MCCC1: variants seen among roughly 807,000 people sequenced by gnomAD.
MCCC1 encodes methylcrotonoyl-CoA carboxylase subunit alpha, mitochondrial.
In MCCC1, 64 loss-of-function variants were observed where a neutral mutation model predicts 83.8. That is an observed-to-expected ratio of 0.76 (90% CI 0.62 to 0.94). MCCC1 has a LOEUF of 0.94. MCCC1 is among the 40% of genes least tolerant of loss of function. MCCC1 has a pLI of 0.00. For synonymous variants in MCCC1, 322 were observed against 315.4 expected (o/e 1.02, Z -0.22); for missense variants, 807 against 904.7 (o/e 0.89, Z 1.39).
At chr3:183,107,534 TTTGTTGTTGTTG>T (rs530964558) in intron 1 of MCCC1, among the ~76,000 whole-genome samples, 14 of 151,208 alleles carry the variant, frequency 9.3e-5, no homozygotes, top group African/African-American at 2.2e-4. Flanking sequence ...ATTATTATTA[TTTGTTGTTGTTG>T]TTGTTGTTGT....
intron 1 of MCCC1, among the ~76,000 whole-genome samples, chr3:183,105,799 G>A (rs990519595): frequency 1.3e-5 from 2 of 152,108 alleles, no homozygotes; most frequent in African/African-American, 4.8e-5. Context: ...ACAAAAGACT[G>A]CCAAAATTGG....
chr3:183,022,546 A>C lies in MCCC1; in HGVS notation c.1740T>G (p.Asp580Glu). ...GATTACCAAGGACTTGGAAAGTTTT[A>C]TCTTCAATCTGAAAAAAATGAAAAA... ...HDGSYSMQIE[D>E]KTFQVLGNLY... is the part of the protein sequence containing the mutation. Residue 580 changes from aspartate to glutamate, a missense_variant, in exon 16 of 19, where the codon GAT becomes GAG. Transcript: ENST00000265594. 6.2e-7 allele frequency: 1 copy of C among 1,612,016 alleles called. No individual in the cohort carries two copies.
chr3:183,081,897 G>T (rs531383285), intron 4 of MCCC1, among the ~76,000 whole-genome samples: 45 of 152,262 alleles, frequency 3.0e-4, no homozygotes, highest in African/African-American at 1.0e-3. Flanking sequence ...GCTTGCTCAT[G>T]CCCAGAGAGA....
intron 14 of MCCC1, among the ~76,000 whole-genome samples, chr3:183,026,510 G>C (rs980676765): frequency 1.3e-5 from 2 of 152,072 alleles, no homozygotes; most frequent in African/African-American, 4.8e-5. Flanking sequence ...AGGAGTTTGA[G>C]ACCAGCCTGA....
intron 14 of MCCC1, among the ~76,000 whole-genome samples, chr3:183,029,778 T>C (rs1397062860): frequency 6.6e-6 from 1 of 152,194 alleles, no homozygotes; most frequent in African/African-American, 2.4e-5. Flanking sequence ...TATGCATCTC[T>C]TCCTTCCATT....
At position 183,015,519 on chromosome 3, in the gene MCCC1, G is replaced by A; in HGVS notation, c.2097C>T (p.Tyr699=). 5 of 1,614,074 alleles carry A rather than the reference G, an allele frequency of 3.1e-6. No homozygotes were observed. The highest frequency in any genetic ancestry group is 4.2e-6 in the Non-Finnish European group (5 of 1,179,960). The change falls in exon 19 of 19, where the codon TAC becomes TAT. Residue 699 remains tyrosine (Y), a synonymous_variant. Transcript: ENST00000265594. ...PKDGTVKKVF[Y]REGAQANRHT... ...GTCTGTTGGCCTGAGCACCTTCTCT[G>A]TAGAACACTTTCTTTACTGTGCCAT...
Position 183,099,405 on chromosome 3 carries a change from C to A in MCCC1, c.36G>T (p.Val12=). Residue 12 remains valine, a synonymous_variant, in exon 1 of 19, where the codon GTG becomes GTT. Coordinates refer to ENST00000265594, the MANE Select transcript of MCCC1 (RefSeq NM_020166.5). ...AAASAVSVLL[V]AAERNRWHRL... ...GATGCCACCGGTTCCTCTCCGCCGC[C>A]ACCAGCAGCACCGACACCGCAGAGG... is the stretch of plus-strand genomic sequence containing the variant. 6.2e-7 allele frequency: 1 copy of A among 1,607,124 alleles called. No individual in the cohort carries two copies. The highest frequency in any genetic ancestry group is 1.7e-5 in the Admixed American group (1 of 59,496).
At chr3:183,105,580 G>C (rs1719389741) in intron 1 of MCCC1, among the ~76,000 whole-genome samples, 1 of 152,138 alleles carries the variant, frequency 6.6e-6, no homozygotes, top group African/African-American at 2.4e-5. Flanking sequence ...GGACAGAGAT[G>C]ATGGAGGTGA....
intron 14 of MCCC1, among the ~76,000 whole-genome samples, chr3:183,030,935 C>T (rs936355773): frequency 2.6e-5 from 4 of 152,142 alleles, no homozygotes; most frequent in Admixed American, 1.3e-4. Flanking sequence ...TTATAAAATA[C>T]GACATGTATT....
chr3:183,019,228 G>C (rs1054242404), intron 17 of MCCC1, among the ~76,000 whole-genome samples: 1 of 152,156 alleles, frequency 6.6e-6, no homozygotes, highest in Non-Finnish European at 1.5e-5. Context: ...AGACTCTACT[G>C]TATTCAAGTA....
At chr3:183,078,319 C>G (rs1230524848) in intron 4 of MCCC1, among the ~76,000 whole-genome samples, 2 of 152,174 alleles carry the variant, frequency 1.3e-5, no homozygotes, top group African/African-American at 4.8e-5. Context: ...CTGCACCTGG[C>G]ATAATGAGTT....
chr3:183,022,765 G>C, intron 15 of MCCC1: 1 of 495,260 alleles, frequency 2.0e-6, no homozygotes, highest in Non-Finnish European at 3.5e-6. Context: ...AATTAAAAGG[G>C]AAAAAAAAGT....
intron 3 of MCCC1, among the ~76,000 whole-genome samples, chr3:183,091,396 T>C (rs898951582): frequency 1.3e-5 from 2 of 152,070 alleles, no homozygotes; most frequent in Admixed American, 1.3e-4. Context: ...GGTGAAATCC[T>C]GTCTCTACTA....
chr3:183,099,244 G>A (rs1444128739), intron 1 of MCCC1, 108 bp downstream of exon 1: 5 of 1,327,464 alleles, frequency 3.8e-6, no homozygotes, highest in Non-Finnish European at 5.2e-6. Flanking sequence ...TTTTCCTACC[G>A]TCCTCCCCAC....
intron 15 of MCCC1, among the ~76,000 whole-genome samples, chr3:183,024,733 T>C (rs1188669755): frequency 1.3e-5 from 2 of 151,900 alleles, no homozygotes; most frequent in Admixed American, 1.3e-4. Context: ...TGGAAAACAG[T>C]ATGGCGGTTT....
intron 16 of MCCC1, among the ~76,000 whole-genome samples, chr3:183,020,851 G>A (rs149656190): frequency 0.028 from 4,278 of 151,986 alleles, 111 homozygotes; most frequent in Non-Finnish European, 0.039. Flanking sequence ...CGAGGTCAGG[G>A]GATCAAAACC....
At chr3:183,060,656 T>C (rs1006181952) in intron 7 of MCCC1, among the ~76,000 whole-genome samples, 4 of 152,196 alleles carry the variant, frequency 2.6e-5, no homozygotes, top group African/African-American at 9.7e-5. Flanking sequence ...ACATGCGCCA[T>C]GTTGGTGTGC....
intron 2 of MCCC1, among the ~76,000 whole-genome samples, chr3:183,093,864 T>C (rs890426000): frequency 6.6e-6 from 1 of 152,048 alleles, no homozygotes; most frequent in African/African-American, 2.4e-5. Context: ...GGGAATTCCA[T>C]GTTAAATTTT....
chr3:183,085,144 A>G (rs562680588), intron 4 of MCCC1, among the ~76,000 whole-genome samples: 119 of 152,312 alleles, frequency 7.8e-4, no homozygotes, highest in Middle Eastern at 6.8e-3. Flanking sequence ...TTCTAAGGAG[A>G]AGGAATTCAG....
Sources: allele counts gnomAD v4.1 joint callset (sites outside exome capture counted in the v4.1 genomes callset), GRCh38; gene constraint gnomAD v4.1.1; transcripts MANE v1.5; gene names NCBI Gene and HGNC (gene_info 2026-07-23, HGNC 2026-07-21).